ZSCAN10: variants seen among roughly 807,000 people sequenced by gnomAD.
The protein encoded by ZSCAN10 is zinc finger and SCAN domain-containing protein 10.
Under a neutral mutation model 63.7 loss-of-function variants are expected in ZSCAN10, and 52 were observed. The ratio of observed to expected loss-of-function variants is 0.82; its 90% confidence interval spans 0.65 to 1.03. The LOEUF (loss-of-function observed/expected upper bound fraction) is 1.03, where lower values mean the gene tolerates loss of function less well. Among genes scored for constraint, ZSCAN10 ranks in the 50% least tolerant of loss-of-function variants. The probability of loss-of-function intolerance (pLI) is 0.00; values close to 1 mark genes in which losing one functional copy is unlikely to be tolerated. For synonymous variants in ZSCAN10, 544 were observed against 479.6 expected (o/e 1.13, Z -1.76); for missense variants, 1,223 against 1,103.8 (o/e 1.11, Z -1.53).
At chr16:3,091,415 G>T in intron 5 of ZSCAN10, 125 bp downstream of exon 5, 1 of 1,039,526 alleles carries the variant, frequency 9.6e-7, no homozygotes. Flanking sequence ...AGGCTGAGGT[G>T]GGAGGATCAC....
rs774537621 is a variant in ZSCAN10, at chr16:3,089,890, C to T, written c.1544G>A (p.Arg515Gln). ...CACGAAGGGCCTCCGGTCGGAGTCC[C>T]GGCGGCGGCTGCCGGAGCCTTCGGA... ...RSSEGSGSRRRDSDRRPFVCS... is the reference protein window; with the variant it reads ...RSSEGSGSRRQDSDRRPFVCS... Residue 515 changes from arginine (R) to glutamine (Q), a missense_variant, in exon 6 of 6, where the codon CGG becomes CAG. Coordinates refer to ENST00000576985, the MANE Select transcript of ZSCAN10 (RefSeq NM_032805.3). The T allele has an allele frequency of 4.6e-6, 7 of 1,535,170 alleles. No homozygotes were observed. The highest frequency in any genetic ancestry group is 6.1e-6 in the Non-Finnish European group (7 of 1,145,406).
Position 3,091,790 on chromosome 16 carries a change from G to C in ZSCAN10, c.703C>G (p.Arg235Gly). The change falls in exon 4 of 6, where the codon CGA becomes GGA. Residue 235 changes from arginine to glycine, a missense_variant. Transcript: ENST00000576985. ...AGCACAGCCGCCAGCTCCTGATCTC[G>C]GGAACTCTCCTCTGGCCATGGTGAG... ...GPSPWPEESS[R>G]DQELAAVLEC... is the part of the protein sequence containing the mutation. 1.3e-6 allele frequency: 2 copies of C among 1,572,990 alleles called. No individual in the cohort carries two copies. The highest frequency in any genetic ancestry group is 2.4e-5 in the East Asian group (1 of 42,180).
intron 1 of ZSCAN10, among the ~76,000 whole-genome samples, chr16:3,096,884 G>A (rs1458077915): frequency 2.0e-5 from 3 of 150,598 alleles, no homozygotes; most frequent in Non-Finnish European, 4.4e-5. Context: ...AGACGAGATC[G>A]TGCCACTGCA....
At chr16:3,094,804 A>T (rs778939608) in intron 1 of ZSCAN10, among the ~76,000 whole-genome samples, 119 of 151,986 alleles carry the variant, frequency 7.8e-4, no homozygotes, top group Admixed American at 5.2e-3. Context: ...AAGAGTCCTC[A>T]CAACTAAGTG....
At position 3,089,449 on chromosome 16, in the gene ZSCAN10, TG is replaced by T; in HGVS notation, c.1984del (p.His662ThrfsTer175). The stretch of plus-strand genomic sequence containing the variant: ...ACGGTGGCCGCAGGTGTCGCAGGCG[TG>T]GGGCTTCTCCCCTGTGTGGATGCGC... ...HQRIHTGEKP[H>X]ACDTCGHRFR... On this transcript the variant is annotated frameshift_variant, in exon 6 of 6. Coordinates refer to ENST00000576985, the MANE Select transcript of ZSCAN10 (RefSeq NM_032805.3). LOFTEE classifies it high-confidence loss of function. 1 of 1,605,824 alleles carries T rather than the reference TG, an allele frequency of 6.2e-7. No individual in the cohort carries two copies.
rs1256074950 is a variant in ZSCAN10 at position 3,089,029 on chromosome 16, C to T, written c.*62G>A. 2 of 1,422,858 alleles carry T rather than the reference C, an allele frequency of 1.4e-6. No individual in the cohort carries two copies. The highest frequency in any genetic ancestry group is 1.8e-6 in the Non-Finnish European group (2 of 1,097,998). The allele number at this position is 1,422,858 out of a possible 1,614,324, so 88.1% of individuals were successfully genotyped here. ...TGGTGGGAAGGGACATTCCTGCAGGCCTCCGCTGTGGAGGACCCCGGGTAG... is the reference window on the plus strand; with the variant it reads ...TGGTGGGAAGGGACATTCCTGCAGGTCTCCGCTGTGGAGGACCCCGGGTAG... On this transcript the variant is annotated 3_prime_UTR_variant, in exon 6 of 6. Transcript: ENST00000576985.
intron 1 of ZSCAN10, among the ~76,000 whole-genome samples, chr16:3,098,090 G>C (rs12448459): frequency 7.5e-6 from 1 of 132,788 alleles, no homozygotes; most frequent in Non-Finnish European, 1.6e-5. Flanking sequence ...GAAAAGAAAA[G>C]AAAAAAAAAG....
Position 3,098,911 on chromosome 16 carries a change from G to A in ZSCAN10, c.-68+279C>T, listed in dbSNP as rs1025450311. 2.0e-5 allele frequency among the ~76,000 whole-genome samples: 3 copies of A among 152,368 alleles called. No individual in the cohort carries two copies. In the South Asian group the frequency reaches 6.2e-4, roughly 32 times the overall value. ...GGCCTCCCTCCGCGTGCTGGGCTGA[G>A]TGGACAAGGCCCATCAGTCCACCTG... On this transcript the variant is annotated intron_variant, in intron 1 of 5. Coordinates refer to ENST00000576985, the MANE Select transcript of ZSCAN10 (RefSeq NM_032805.3).
Position 3,092,889 on chromosome 16 carries a change from C to G in ZSCAN10, c.49G>C (p.Glu17Gln). 6.9e-7 allele frequency: 1 copy of G among 1,442,324 alleles called. No homozygotes were observed. The highest frequency in any genetic ancestry group is 9.1e-7 in the Non-Finnish European group (1 of 1,096,154). 89.3% of individuals were successfully genotyped at this position (1,442,324 alleles called of 1,614,324 possible). A position where few individuals can be genotyped will look rare whatever the true frequency, so the allele number is the denominator to read the frequency against. The stretch of plus-strand genomic sequence containing the variant: ...GCCTCCTCCTCCTCCAGCTTGACTT[C>G]CCCCAGCTGCTCCTGCTCCACGGCA... ...PAAVEQEQLG[E>Q]VKLEEEEAVS... Residue 17 changes from glutamate (E) to glutamine (Q), a missense_variant, in exon 2 of 6, where the codon GAA (glutamate) becomes CAA (glutamine). Transcript: ENST00000576985.
In ZSCAN10 at chr16:3,090,193, C is replaced by T. The variant is rs924172758; in HGVS notation, c.1241G>A (p.Arg414His). 3 of 1,605,012 alleles carry T rather than the reference C, an allele frequency of 1.9e-6. No homozygotes were observed. The highest frequency in any genetic ancestry group is 1.7e-5 in the Admixed American group (1 of 59,724). ...HACHLCGHRF[R>H]QSSHLSKHLL... ...GTGCTTGCTCAGGTGCGAGCTCTGG[C>T]GGAAGCGGTGGCCGCACAGGTGGCA... Residue 414 changes from arginine (R) to histidine (H), a missense_variant, in exon 6 of 6, where the codon CGC (arginine) becomes CAC (histidine). Coordinates refer to ENST00000576985, the MANE Select transcript of ZSCAN10 (RefSeq NM_032805.3).
chr16:3,090,042 A>T lies in ZSCAN10; in HGVS notation c.1392T>A (p.Pro464=). The T allele has an allele frequency of 4.4e-6, 7 of 1,599,826 alleles. No individual in the cohort carries two copies. In the South Asian group the frequency reaches 7.7e-5, roughly 18 times the overall value. ...GTGGCGGCGCTTCGGCCTTACTCTCAGGAGCGCAGGGCGGCTTCTGGTCCT... is the reference window on the plus strand; with the variant it reads ...GTGGCGGCGCTTCGGCCTTACTCTCTGGAGCGCAGGGCGGCTTCTGGTCCT... ...HAQDQKPPCA[P]ESKAEAPPLT... Residue 464 remains proline (P), a synonymous_variant, in exon 6 of 6, where the codon CCT becomes CCA. Transcript: ENST00000576985.
chr16:3,092,750 C>G lies in ZSCAN10; in HGVS notation c.188G>C (p.Ser63Thr). The change falls in exon 2 of 6, where the codon AGC (serine) becomes ACC (threonine). Residue 63 changes from serine to threonine, a missense_variant. Physicochemically the swap from Ser to Thr is moderately conservative, Grantham distance 58. Transcript: ENST00000576985. ...QEDMGPRASLSRLRELCGHWL... is the reference protein window; with the variant it reads ...QEDMGPRASLTRLRELCGHWL... The stretch of plus-strand genomic sequence containing the variant: ...GTGGCCGCAGAGCTCCCGGAGCCGG[C>G]TCAGGGACGCCCGTGGCCCCATGTC... 6.2e-7 allele frequency: 1 copy of G among 1,610,638 alleles called. No homozygotes were observed. The highest frequency in any genetic ancestry group is 8.5e-7 in the Non-Finnish European group (1 of 1,178,818).
At chr16:3,098,027 G>A (rs1339298242) in intron 1 of ZSCAN10, among the ~76,000 whole-genome samples, 1 of 127,454 alleles carries the variant, frequency 7.8e-6, no homozygotes, top group Non-Finnish European at 1.6e-5. Flanking sequence ...TGGATAAAAG[G>A]CGAAGACCCT....
At chr16:3,097,225 G>A (rs1567169971) in intron 1 of ZSCAN10, among the ~76,000 whole-genome samples, 1 of 147,260 alleles carries the variant, frequency 6.8e-6, no homozygotes, top group Non-Finnish European at 1.5e-5. Context: ...TCCTCAGGTG[G>A]GGTGGTGTTG....
intron 1 of ZSCAN10, among the ~76,000 whole-genome samples, chr16:3,097,789 C>G (rs1268288207): frequency 1.3e-5 from 2 of 151,992 alleles, no homozygotes; most frequent in African/African-American, 4.8e-5. Flanking sequence ...TGTCTGTTAG[C>G]AGAAATTAGG....
At position 3,089,301 on chromosome 16, in the gene ZSCAN10, G is replaced by A; in HGVS notation, c.2133C>T (p.Thr711=). Residue 711 remains threonine (T), a synonymous_variant, in exon 6 of 6, where the codon ACC becomes ACT. Transcript: ENST00000576985. The stretch of plus-strand genomic sequence containing the variant: ...CCTGCTCCTGCCCGGGCTCCGCATG[G>A]GTAGCCAGGTGCCGCCGCAGATGCG... ...RNAHLRRHLA[T]HAEPGQEQAE... 1 of 1,569,902 alleles carries A rather than the reference G, an allele frequency of 6.4e-7. No homozygotes were observed.
intron 5 of ZSCAN10, 113 bp downstream of exon 5, chr16:3,091,425 CTT>C (rs1957072886): frequency 8.4e-7 from 1 of 1,193,328 alleles, no homozygotes; most frequent in Non-Finnish European, 1.2e-6. Flanking sequence ...GGGAGGATCA[CTT>C]GAGCCCAGGA....
chr16:3,089,915 A>C lies in ZSCAN10; in HGVS notation c.1519T>G (p.Ser507Ala). 1 of 1,536,260 alleles carries C rather than the reference A, an allele frequency of 6.5e-7. No homozygotes were observed. The change falls in exon 6 of 6, where the codon TCC becomes GCC. Residue 507 changes from serine (S) to alanine (A), a missense_variant. Ser to Ala is a moderately conservative substitution (Grantham distance 99). Coordinates refer to ENST00000576985, the MANE Select transcript of ZSCAN10 (RefSeq NM_032805.3). ...IHARDKDRRSSEGSGSRRRDS... is the reference protein window; with the variant it reads ...IHARDKDRRSAEGSGSRRRDS... ...CGGCGGCGGCTGCCGGAGCCTTCGG[A>C]GGACCGGCGGTCCTTGTCCCTGGCG...
chr16:3,089,595 C>T lies in ZSCAN10; in HGVS notation c.1839G>A (p.Lys613=), dbSNP rs1306711322. 6 of 1,586,566 alleles carry T rather than the reference C, an allele frequency of 3.8e-6. No individual in the cohort carries two copies. Among genetic ancestry groups the T allele is most frequent in the Non-Finnish European group, 3.4e-6 (4 of 1,167,142 alleles). ...PRPHHCTQCG[K]SFGQTQDLAR... Reference sequence around the variant, plus strand: ...CCAGATCCTGGGTCTGGCCGAAACTCTTCCCGCACTGGGTGCAGTGGTGGG... The same window carrying T: ...CCAGATCCTGGGTCTGGCCGAAACTTTTCCCGCACTGGGTGCAGTGGTGGG... The change falls in exon 6 of 6, where the codon AAG becomes AAA. Residue 613 remains lysine (K), a synonymous_variant. Coordinates refer to ENST00000576985, the MANE Select transcript of ZSCAN10 (RefSeq NM_032805.3).
Sources: allele counts gnomAD v4.1 joint callset (sites outside exome capture counted in the v4.1 genomes callset), GRCh38; gene constraint gnomAD v4.1.1; transcripts MANE v1.5; gene names NCBI Gene and HGNC (gene_info 2026-07-23, HGNC 2026-07-21).